Variants in POLR2K observed in about 807,000 individuals in gnomAD.
POLR2K encodes the protein RNA polymerase II, I and III subunit K.
Under a neutral mutation model 10.1 loss-of-function variants are expected in POLR2K, and 9 were observed. That is an observed-to-expected ratio of 0.89 (90% CI 0.54 to 1.56). The LOEUF (loss-of-function observed/expected upper bound fraction) is 1.56, where lower values mean the gene tolerates loss of function less well. Ranked by LOEUF, POLR2K falls within the 40% of genes most tolerant of loss-of-function variation. The probability of loss-of-function intolerance (pLI) is 0.00; values close to 1 mark genes in which losing one functional copy is unlikely to be tolerated. For missense variants in POLR2K, 53 were observed against 71.9 expected (o/e 0.74, Z 0.95); for synonymous variants, 19 against 20.3 (o/e 0.94, Z 0.17).
At chr8:100,151,274 T>G in intron 1 of POLR2K, 73 bp from the exon 2 acceptor site, 1 of 977,338 alleles carries the variant, frequency 1.0e-6, no homozygotes, top group Non-Finnish European at 1.7e-6. Context: ...TAGCTTTTCC[T>G]GAGAAAAATG....
chr8:100,151,458 G>GT (rs745823650), intron 2 of POLR2K, 42 bp downstream of exon 2: 12 of 1,276,334 alleles, frequency 9.4e-6, no homozygotes, highest in South Asian at 2.4e-5. Flanking sequence ...TTTTATTTAA[G>GT]TTTTTTTGAA....
rs146150254 is a variant in POLR2K, at chr8:100,151,659, C to A, written c.62-165C>A. The A allele has an allele frequency of 7.2e-3, 4,322 of 598,356 alleles. 18 individuals are homozygous for A. The highest frequency in any genetic ancestry group is 0.016 in the Admixed American group (504 of 31,724). The allele number at this position is 598,356 out of a possible 1,614,324, so 37.1% of individuals were successfully genotyped here. ...CTCTCCTGGAAATATGCATGGCCTA[C>A]AACCTTTTTCTTTCCTATTTAATAT... is the stretch of plus-strand genomic sequence containing the variant. On this transcript the variant is annotated intron_variant, in intron 2 of 3. Coordinates refer to ENST00000353107, the MANE Select transcript of POLR2K (RefSeq NM_005034.4).
At chr8:100,152,732 C>T (rs1814936173) in intron 3 of POLR2K, among the ~76,000 whole-genome samples, 1 of 152,132 alleles carries the variant, frequency 6.6e-6, no homozygotes, top group African/African-American at 2.4e-5. Context: ...GACGGATTAT[C>T]CGCTTTAACA....
intron 3 of POLR2K, 196 bp downstream of exon 3, chr8:100,152,112 T>C (rs1814927952): frequency 6.8e-6 from 4 of 590,164 alleles, no homozygotes; most frequent in Non-Finnish European, 1.2e-5. Flanking sequence ...TTGGTTCTCA[T>C]AAATTTATTT....
At position 100,151,435 on chromosome 8, in the gene POLR2K, T is replaced by G; in HGVS notation, c.61+19T>G. ...TGTGGAGGTAAGAGTAGCACTTACC[T>G]AAAGTAAGAATATTTTATTTAAGTT... On this transcript the variant is annotated intron_variant, in intron 2 of 3. Transcript: ENST00000353107. 6.8e-7 allele frequency: 1 copy of G among 1,466,182 alleles called. No homozygotes were observed. The highest frequency in any genetic ancestry group is 1.1e-5 in the South Asian group (1 of 87,840). The allele number at this position is 1,466,182 out of a possible 1,614,324, so 90.8% of individuals were successfully genotyped here.
At chr8:100,152,875 C>T (rs908701717) in intron 3 of POLR2K, among the ~76,000 whole-genome samples, 30 of 152,054 alleles carry the variant, frequency 2.0e-4, no homozygotes, top group Non-Finnish European at 3.4e-4. Flanking sequence ...TCATGGCATT[C>T]TCCTGCCTCA....
intron 2 of POLR2K, 156 bp downstream of exon 2, chr8:100,151,572 G>A (rs1445442883): frequency 3.2e-6 from 2 of 624,848 alleles, no homozygotes; most frequent in African/African-American, 3.7e-5. Context: ...AGTAGACCTG[G>A]GTTCGTCCTT....
chr8:100,151,803 A>G (rs780692979), intron 2 of POLR2K, 21 bp from the exon 3 acceptor site: 1 of 1,205,688 alleles, frequency 8.3e-7, no homozygotes, highest in Admixed American at 2.1e-5. Context: ...GCATTGAGTA[A>G]ATTTTTTTTT....
intron 3 of POLR2K, 54 bp downstream of exon 3, chr8:100,151,970 T>C (rs1465008282): frequency 2.4e-6 from 2 of 843,598 alleles, no homozygotes; most frequent in Non-Finnish European, 4.1e-6. Context: ...TGAATAATGC[T>C]GGGGTTGATA....
At chr8:100,152,442 A>G (rs1276994248) in intron 3 of POLR2K, among the ~76,000 whole-genome samples, 1 of 152,244 alleles carries the variant, frequency 6.6e-6, no homozygotes, top group African/African-American at 2.4e-5. Flanking sequence ...GCATGACTAC[A>G]TTTATATAAG....
intron 2 of POLR2K, 31 bp downstream of exon 2, chr8:100,151,447 AT>A (rs757237096): frequency 1.5e-6 from 2 of 1,375,782 alleles, no homozygotes; most frequent in African/African-American, 2.8e-5. Flanking sequence ...AAGTAAGAAT[AT>A]TTTATTTAAG....
chr8:100,153,505 A>G lies in POLR2K; in HGVS notation c.*189A>G, dbSNP rs928335585. ...AACCTTTATACACTGTTTTTTCCATATATATATACCTATGATAAAGTATAA... is the reference window on the plus strand; with the variant it reads ...AACCTTTATACACTGTTTTTTCCATGTATATATACCTATGATAAAGTATAA... On this transcript the variant is annotated 3_prime_UTR_variant, in exon 4 of 4. Transcript: ENST00000353107. The G allele has an allele frequency of 6.0e-6, 3 of 502,806 alleles. No homozygotes were observed. The highest frequency in any genetic ancestry group is 1.1e-5 in the Non-Finnish European group (3 of 285,324). 31.1% of individuals were successfully genotyped at this position (502,806 alleles called of 1,614,324 possible).
rs1470587992 is a variant in POLR2K, at chr8:100,151,696, GC to G, written c.62-127del. On this transcript the variant is annotated intron_variant, in intron 2 of 3. Coordinates refer to ENST00000353107, the MANE Select transcript of POLR2K (RefSeq NM_005034.4). ...TTCCTATTTAATATATTTAATAAAA[GC>G]AGCAGACCCTTGAGATTGAGTATAT... is the stretch of plus-strand genomic sequence containing the variant. 1.8e-5 allele frequency: 11 copies of G among 600,524 alleles called. No individual in the cohort carries two copies. In the East Asian group the frequency reaches 2.8e-4, roughly 15 times the overall value. 37.2% of individuals were successfully genotyped at this position (600,524 alleles called of 1,614,324 possible).
Position 100,153,858 on chromosome 8 carries a change from A to G in POLR2K, c.*542A>G, listed in dbSNP as rs968761210. ...TACGTGACTTTTTGTTTTATTGTAT[A>G]TGTAATTTAACACACAATAAAGGGT... On this transcript the variant is annotated 3_prime_UTR_variant, in exon 4 of 4. Coordinates refer to ENST00000353107, the MANE Select transcript of POLR2K (RefSeq NM_005034.4). The G allele has an allele frequency of 4.6e-5, 7 of 152,226 alleles. No homozygotes were observed. The highest frequency in any genetic ancestry group is 3.3e-4 in the Admixed American group (5 of 15,276). 9.4% of individuals were successfully genotyped at this position (152,226 alleles called of 1,614,324 possible).
Position 100,153,429 on chromosome 8 carries a change from G to T in POLR2K, c.*113G>T. ...TACAGTAGTTCCCCCTTATCTTCGGGAGATACATTCCAAGGCCCCCAGTGA... is the reference window on the plus strand; with the variant it reads ...TACAGTAGTTCCCCCTTATCTTCGGTAGATACATTCCAAGGCCCCCAGTGA... On this transcript the variant is annotated 3_prime_UTR_variant, in exon 4 of 4. Coordinates refer to ENST00000353107, the MANE Select transcript of POLR2K (RefSeq NM_005034.4). The T allele has an allele frequency of 3.4e-6, 3 of 891,790 alleles. No homozygotes were observed. Among genetic ancestry groups the T allele is most frequent in the Admixed American group, 2.0e-5 (1 of 49,324 alleles). The allele number at this position is 891,790 out of a possible 1,614,324, so 55.2% of individuals were successfully genotyped here.
intron 2 of POLR2K, 32 bp downstream of exon 2, chr8:100,151,448 T>C: frequency 2.9e-6 from 4 of 1,376,822 alleles, no homozygotes; most frequent in Non-Finnish European, 4.2e-6. Flanking sequence ...AGTAAGAATA[T>C]TTTATTTAAG....
chr8:100,151,790 TA>T (rs1814923144), intron 2 of POLR2K, 33 bp from the exon 3 acceptor site: 1 of 956,558 alleles, frequency 1.0e-6, no homozygotes, highest in African/African-American at 1.7e-5. Flanking sequence ...ATTTTCCTCT[TA>T]GGCATTGAGT....
At position 100,153,418 on chromosome 8, in the gene POLR2K, C is replaced by T; in HGVS notation, c.*102C>T. The T allele has an allele frequency of 9.9e-7, 1 of 1,014,842 alleles. No homozygotes were observed. The highest frequency in any genetic ancestry group is 2.5e-5 in the East Asian group (1 of 40,768). 62.9% of individuals were successfully genotyped at this position (1,014,842 alleles called of 1,614,324 possible). Reference sequence around the variant, plus strand: ...TCGATTTTGCTTACAGTAGTTCCCCCTTATCTTCGGGAGATACATTCCAAG... The same window carrying T: ...TCGATTTTGCTTACAGTAGTTCCCCTTTATCTTCGGGAGATACATTCCAAG... On this transcript the variant is annotated 3_prime_UTR_variant, in exon 4 of 4. Transcript: ENST00000353107.
intron 3 of POLR2K, 149 bp from the exon 4 acceptor site, chr8:100,153,145 C>A: frequency 1.0e-5 from 6 of 586,380 alleles, no homozygotes; most frequent in South Asian, 4.5e-5. Context: ...ATTTAAAAAC[C>A]AGTTGTCATA....
Sources: gnomAD v4.1 joint callset for allele counts (sites outside exome capture counted in the v4.1 genomes callset) on GRCh38, gnomAD v4.1.1 for gene constraint, MANE v1.5 for transcripts, NCBI Gene and HGNC (gene_info 2026-07-23, HGNC 2026-07-21) for gene names.